The following PPRC1 variants were observed in gnomAD, a reference collection of about 807,000 sequenced individuals.
PPRC1 encodes PPARG related coactivator 1, also known as peroxisome proliferator-activated receptor gamma coactivator-related protein 1.
A neutral mutation model predicts 132.5 loss-of-function variants in PPRC1; 23 were observed. That is an observed-to-expected ratio of 0.17 (90% confidence interval 0.12 to 0.25). PPRC1 has a LOEUF of 0.25. PPRC1 is among the 10% of genes least tolerant of loss of function. PPRC1 has a pLI of 1.00. For missense variants in PPRC1, 2,006 were observed against 2,089.1 expected, an observed-to-expected ratio of 0.96 and a Z score of 0.78; for synonymous variants, 872 against 833.5, an observed-to-expected ratio of 1.05 and a Z score of -0.80.
At position 102,147,094 on chromosome 10, in the gene PPRC1, C is replaced by A. The variant is rs2069285232; in HGVS notation, c.4102C>A (p.Pro1368Thr). The A allele has an allele frequency of 6.2e-7, 1 of 1,614,054 alleles. No individual in the cohort carries two copies. Among genetic ancestry groups the A allele is most frequent in the African/African-American group, 1.3e-5 (1 of 74,920 alleles). The part of the protein sequence containing the change: ...TSSEQADPSA[P>T]CLAPSSLLSP... Reference sequence around the variant, plus strand: ...CAGTGAGCAGGCAGATCCCTCAGCACCCTGCCTTGCCCCATCCAGCTTGCT... The same window carrying A: ...CAGTGAGCAGGCAGATCCCTCAGCAACCTGCCTTGCCCCATCCAGCTTGCT... The change falls in exon 9 of 14, where the codon CCC (proline) becomes ACC (threonine). Residue 1368 changes from proline to threonine, a missense_variant. Physicochemically the swap from Pro to Thr is conservative, Grantham distance 38 (BLOSUM62 -1). This residue lies in a region of PPRC1 where 1,914 missense variants were observed against 1,917.2 expected (regional missense o/e 1.00). Transcript: ENST00000278070.
intron 5 of PPRC1, among the ~76,000 whole-genome samples, chr10:102,142,580 G>A (rs750902107): frequency 8.4e-5 from 12 of 142,922 alleles, no homozygotes; most frequent in Non-Finnish European, 6.1e-5. Context: ...ACCCACGCCC[G>A]GCTTTTTGTA....
intron 1 of PPRC1, 82 bp downstream of exon 1, chr10:102,133,303 A>G: frequency 8.6e-7 from 1 of 1,162,634 alleles, no homozygotes; most frequent in Non-Finnish European, 1.1e-6. Flanking sequence ...CAGGAAAGAG[A>G]GGAAGCGCCT....
chr10:102,149,316 C>T lies in PPRC1; in HGVS notation c.4878C>T (p.Ser1626=), dbSNP rs150449005. The T allele has an allele frequency of 3.1e-5, 50 of 1,590,442 alleles. No individual in the cohort carries two copies. In the African/African-American group the frequency reaches 6.6e-4, roughly 21 times the overall value. The change falls in exon 13 of 14, where the codon AGC becomes AGT. Residue 1626 remains serine (S), a synonymous_variant. Transcript: ENST00000278070. ...FGGRRQFCKR[S]YSDLDSNRED... ...GCCGAAGGCAGTTCTGCAAGAGGAG[C>T]TATTCTGATCTTGGTGAGTGGAGGG... is the stretch of plus-strand genomic sequence containing the variant.
Position 102,138,993 on chromosome 10 carries a change from T to C in PPRC1, c.591+13T>C. On this transcript the variant is annotated intron_variant, in intron 4 of 13. Coordinates refer to ENST00000278070, the MANE Select transcript of PPRC1 (RefSeq NM_015062.5). ...TAGAGGGAGTGGGGTAAGCCTGACC[T>C]AGAGGGTTTCAGAAACTCCCAGGTG... The C allele has an allele frequency of 6.2e-7, 1 of 1,610,790 alleles. No individual in the cohort carries two copies. The highest frequency in any genetic ancestry group is 8.5e-7 in the Non-Finnish European group (1 of 1,176,980).
chr10:102,143,312 G>A (rs923476004), intron 6 of PPRC1, among the ~76,000 whole-genome samples: 4 of 151,918 alleles, frequency 2.6e-5, no homozygotes, highest in Non-Finnish European at 5.9e-5. Context: ...AGTAGACTGG[G>A]AATCCAGGCC....
the PPRC1 span, among the ~76,000 whole-genome samples, chr10:102,123,062 C>T: frequency 6.6e-6 from 1 of 152,164 alleles, no homozygotes; most frequent in African/African-American, 2.4e-5. Context: ...GGGAAGATTA[C>T]CCTTCCCACT....
upstream of PPRC1, among the ~76,000 whole-genome samples, chr10:102,129,588 AT>A (rs901307000): frequency 4.0e-5 from 6 of 151,452 alleles, no homozygotes; most frequent in South Asian, 2.1e-4. Flanking sequence ...GTAGCATTTT[AT>A]TTTTTTTTAA....
upstream of PPRC1, chr10:102,132,929 G>T: frequency 1.7e-6 from 2 of 1,173,962 alleles, no homozygotes; most frequent in Non-Finnish European, 2.1e-6. Flanking sequence ...CTTCTTCCAG[G>T]GTGCAAGTGG....
At chr10:102,138,405 A>G (rs949591553) in intron 2 of PPRC1, among the ~76,000 whole-genome samples, 1 of 152,182 alleles carries the variant, frequency 6.6e-6, no homozygotes, top group Non-Finnish European at 1.5e-5. Context: ...GTGAAACCCA[A>G]GCTTGAGTCA....
chr10:102,137,216 A>G (rs775710284), intron 1 of PPRC1, among the ~76,000 whole-genome samples: 5 of 152,040 alleles, frequency 3.3e-5, no homozygotes, highest in Non-Finnish European at 5.9e-5. Flanking sequence ...GTGGGCGCCT[A>G]TAATCCCAGC....
At position 102,138,867 on chromosome 10, in the gene PPRC1, T is replaced by G. The variant is rs758622682; in HGVS notation, c.490-12T>G. 1 of 1,613,722 alleles carries G rather than the reference T, an allele frequency of 6.2e-7. No homozygotes were observed. The highest frequency in any genetic ancestry group is 1.7e-5 in the Admixed American group (1 of 60,024). On this transcript the variant is annotated splice_polypyrimidine_tract_variant and intron_variant, in intron 3 of 13. Transcript: ENST00000278070. Reference sequence around the variant, plus strand: ...AGCATAGACTGATCTCAGGTCTTTCTTTCCCTCTTAGCTGCACAAGCTGCT... The same window carrying G: ...AGCATAGACTGATCTCAGGTCTTTCGTTCCCTCTTAGCTGCACAAGCTGCT...
intron 6 of PPRC1, 148 bp downstream of exon 6, chr10:102,143,246 C>A: frequency 1.4e-6 from 1 of 714,738 alleles, no homozygotes; most frequent in Non-Finnish European, 2.3e-6. Flanking sequence ...CAAGATTGAA[C>A]TGTGACGGTA....
Position 102,147,291 on chromosome 10 carries a change from GTCCAACCGGA to G in PPRC1, c.4300_4309del (p.Ser1434LeufsTer103). 1 of 1,612,860 alleles carries G rather than the reference GTCCAACCGGA, an allele frequency of 6.2e-7. No homozygotes were observed. The highest frequency in any genetic ancestry group is 8.5e-7 in the Non-Finnish European group (1 of 1,180,030). ...GCAACAGCCGTTCTGTCAGCTCTGG[GTCCAACCGGA>G]CTAGCGAAGCATCTTCCTCATCCTC... On this transcript the variant is annotated frameshift_variant, in exon 9 of 14. Coordinates refer to ENST00000278070, the MANE Select transcript of PPRC1 (RefSeq NM_015062.5). LOFTEE classifies it high-confidence loss of function.
At chr10:102,132,899 C>T (rs1305427484), upstream of PPRC1, 1 of 1,008,572 alleles carries the variant, frequency 9.9e-7, no homozygotes, top group Non-Finnish European at 1.3e-6. Context: ...CTCCCAGGAA[C>T]CTTCGCGCGA....
chr10:102,146,812 C>T lies in PPRC1; in HGVS notation c.3820C>T (p.Pro1274Ser), dbSNP rs1394392679. The T allele has an allele frequency of 9.9e-6, 16 of 1,614,098 alleles. No individual in the cohort carries two copies. Among genetic ancestry groups the T allele is most frequent in the Non-Finnish European group, 1.3e-5 (15 of 1,179,998 alleles). The change falls in exon 9 of 14, where the codon CCA becomes TCA. Residue 1274 changes from proline (P) to serine (S), a missense_variant. By Grantham distance (74) the Pro-to-Ser change is moderately conservative. Coordinates refer to ENST00000278070, the MANE Select transcript of PPRC1 (RefSeq NM_015062.5). ...KPEGVTEAKHPAAVRLQEGVH... is the reference protein window; with the variant it reads ...KPEGVTEAKHSAAVRLQEGVH... The stretch of plus-strand genomic sequence containing the variant: ...TGAAGGAGTTACGGAGGCCAAACAT[C>T]CAGCTGCAGTTCGCCTCCAAGAAGG...
At chr10:102,120,072 C>T in the PPRC1 span, 8 of 1,438,222 alleles carry the variant, frequency 5.6e-6, no homozygotes, top group African/African-American at 8.9e-5. Context: ...CGAGTGGCCG[C>T]ACGCCCCACT....
In PPRC1 at chr10:102,141,576, CT is replaced by C; in HGVS notation, c.3069del (p.Gly1024AlafsTer56). ...QPKMESRGTP[A>X]GPPENVLPLS... is the part of the protein sequence containing the mutation. ...AAAATGGAGTCTAGGGGCACTCCAG[CT>C]GGCCCTCCTGAAAATGTACTTCCCT... On this transcript the variant is annotated frameshift_variant, in exon 5 of 14. Transcript: ENST00000278070. LOFTEE classifies it high-confidence loss of function. 1 of 1,614,150 alleles carries C rather than the reference CT, an allele frequency of 6.2e-7. No individual in the cohort carries two copies. The highest frequency in any genetic ancestry group is 8.5e-7 in the Non-Finnish European group (1 of 1,180,018).
At position 102,141,357 on chromosome 10, in the gene PPRC1, C is replaced by T. The variant is rs1186130536; in HGVS notation, c.2849C>T (p.Pro950Leu). The T allele has an allele frequency of 1.3e-5, 21 of 1,614,046 alleles. No homozygotes were observed. Among genetic ancestry groups the T allele is most frequent in the South Asian group, 7.7e-5 (7 of 91,088 alleles). The change falls in exon 5 of 14, where the codon CCT (proline) becomes CTT (leucine). Residue 950 changes from proline to leucine, a missense_variant. Around this residue, in one of 2 missense-constraint regions of PPRC1, gnomAD observed 1,914 missense variants for 1,917.2 expected, o/e 1.00. Transcript: ENST00000278070. ...PPTVPLVSGTPGAYAVPPTCS... is the reference protein window; with the variant it reads ...PPTVPLVSGTLGAYAVPPTCS... Reference sequence around the variant, plus strand: ...ACGGTGCCCCTAGTGTCTGGTACTCCTGGTGCCTATGCCGTGCCTCCCACT... The same window carrying T: ...ACGGTGCCCCTAGTGTCTGGTACTCTTGGTGCCTATGCCGTGCCTCCCACT...
intron 8 of PPRC1, among the ~76,000 whole-genome samples, chr10:102,145,293 G>A (rs181398915): frequency 9.3e-4 from 141 of 152,378 alleles, no homozygotes; most frequent in African/African-American, 3.2e-3. Flanking sequence ...TGGGCTAGGC[G>A]CAGTGGCTCG....
Sources: gnomAD v4.1 joint callset for allele counts (sites outside exome capture counted in the v4.1 genomes callset) on GRCh38, gnomAD v4.1.1 for gene constraint, gnomAD v4.1.1 regional missense constraint, MANE v1.5 for transcripts, NCBI Gene and HGNC (gene_info 2026-07-23, HGNC 2026-07-21) for gene names.